Variants in LAMTOR1 observed in about 807,000 individuals in gnomAD.
LAMTOR1 encodes late endosomal/lysosomal adaptor, MAPK and MTOR activator 1, also known as ragulator complex protein LAMTOR1.
LAMTOR1 carries 8 observed loss-of-function variants against 20.5 expected under a neutral mutation model. The ratio of observed to expected loss-of-function variants is 0.39; its 90% CI spans 0.23 to 0.70. The LOEUF is 0.70. LAMTOR1 is among the 30% of genes least tolerant of loss of function. LAMTOR1 has a pLI of 0.43. For missense variants in LAMTOR1, 135 were observed against 206.2 expected, an observed-to-expected ratio of 0.65 and a Z score of 2.11; for synonymous variants, 77 against 80.9, an observed-to-expected ratio of 0.95 and a Z score of 0.26.
intron 1 of LAMTOR1, 117 bp downstream of exon 1, chr11:72,103,066 G>GGGA: frequency 7.6e-7 from 1 of 1,323,840 alleles, no homozygotes; most frequent in Non-Finnish European, 1.1e-6. Context: ...TCCCCTCCAG[G>GGGA]CCTCCGTATT....
intron 1 of LAMTOR1, among the ~76,000 whole-genome samples, chr11:72,101,279 G>A (rs1225624199): frequency 1.3e-5 from 2 of 152,176 alleles, no homozygotes; most frequent in African/African-American, 4.8e-5. Context: ...GGTTAGGTTT[G>A]TCACATCAAG....
intron 2 of LAMTOR1, 53 bp from the exon 3 acceptor site, chr11:72,098,911 A>G: frequency 6.8e-7 from 1 of 1,463,810 alleles, no homozygotes; most frequent in Non-Finnish European, 9.2e-7. Flanking sequence ...AGAAGGACAA[A>G]CAGGACTCAG....
chr11:72,099,334 C>T lies in LAMTOR1; in HGVS notation c.43-78G>A, dbSNP rs116224861. Reference sequence around the variant, plus strand: ...TTCACGGGTGCTACCCTTAGCCCAGCTCTGACCTTAAACACCAAAAATGTT... The same window carrying T: ...TTCACGGGTGCTACCCTTAGCCCAGTTCTGACCTTAAACACCAAAAATGTT... On this transcript the variant is annotated intron_variant, in intron 1 of 4. Coordinates refer to ENST00000278671, the MANE Select transcript of LAMTOR1 (RefSeq NM_017907.3). The T allele has an allele frequency of 1.0e-3, 1,522 of 1,462,932 alleles. 19 individuals are homozygous for T. The African/African-American group carries it at 0.019, about 19-fold the overall frequency. The allele number at this position is 1,462,932 out of a possible 1,614,324, so 90.6% of individuals were successfully genotyped here. A position where few individuals can be genotyped will look rare whatever the true frequency, so the allele number is the denominator to read the frequency against.
In LAMTOR1 at chr11:72,098,803, T is replaced by C. The variant is rs1318727092; in HGVS notation, c.244A>G (p.Met82Val). Residue 82 changes from methionine (M) to valine (V), a missense_variant, in exon 3 of 5, where the codon ATG becomes GTG. By Grantham distance (21) the Met-to-Val change is conservative (BLOSUM62 1). Coordinates refer to ENST00000278671, the MANE Select transcript of LAMTOR1 (RefSeq NM_017907.3). The part of the protein sequence containing the change: ...DSQGMEQHEY[M>V]DRARQYSTRL... ...CACCTGTACTGCCTGGCACGGTCCATGTACTCATGCTGCTCCATGCCCTGT... is the reference window on the plus strand; with the variant it reads ...CACCTGTACTGCCTGGCACGGTCCACGTACTCATGCTGCTCCATGCCCTGT... The C allele has an allele frequency of 4.5e-6, 7 of 1,550,626 alleles. No homozygotes were observed. Among genetic ancestry groups the C allele is most frequent in the East Asian group, 2.4e-5 (1 of 40,924 alleles).
At chr11:72,101,314 CA>C (rs1945430238) in intron 1 of LAMTOR1, among the ~76,000 whole-genome samples, 1 of 152,218 alleles carries the variant, frequency 6.6e-6, no homozygotes, top group Non-Finnish European at 1.5e-5. Context: ...TAGTGTAACC[CA>C]AGAGGCAGGG....
Position 72,097,772 on chromosome 11 carries a change from G to A in LAMTOR1, c.*50C>T. 6.2e-7 allele frequency: 1 copy of A among 1,613,738 alleles called. No homozygotes were observed. The highest frequency in any genetic ancestry group is 8.5e-7 in the Non-Finnish European group (1 of 1,179,924). ...GTGAGGCTGGGGGCCAAGGGGGTGG[G>A]GTAGAGATGGGATGAAGAGAGGAGA... On this transcript the variant is annotated 3_prime_UTR_variant, in exon 5 of 5. Coordinates refer to ENST00000278671, the MANE Select transcript of LAMTOR1 (RefSeq NM_017907.3).
rs537862119 is a variant in LAMTOR1 at position 72,098,443 on chromosome 11, G to A, written c.267-28C>T. Reference sequence around the variant, plus strand: ...GACCAAGAGAGAGGGGGTGGGGGTAGGCAGTTAAGCCACAGTCTGCCCTGC... The same window carrying A: ...GACCAAGAGAGAGGGGGTGGGGGTAAGCAGTTAAGCCACAGTCTGCCCTGC... On this transcript the variant is annotated intron_variant, in intron 3 of 4. Transcript: ENST00000278671. 5.6e-6 allele frequency: 9 copies of A among 1,600,046 alleles called. No homozygotes were observed. In the South Asian group the frequency reaches 6.9e-5, roughly 12 times the overall value.
At chr11:72,103,159 G>A (rs563701102) in intron 1 of LAMTOR1, 24 bp downstream of exon 1, 27 of 1,579,154 alleles carry the variant, frequency 1.7e-5, no homozygotes, top group Admixed American at 1.6e-4. Context: ...CCTCATTCCC[G>A]AGCCCCGCCT....
chr11:72,098,589 C>T (rs595062), intron 3 of LAMTOR1, 174 bp from the exon 4 acceptor site: 39,745 of 889,334 alleles, frequency 0.045, 1,927 homozygotes, highest in East Asian at 0.16. Context: ...TTGGCCTCAG[C>T]GCCCTCAAGA....
At chr11:72,098,662 A>G in intron 3 of LAMTOR1, 119 bp downstream of exon 3, 1 of 813,456 alleles carries the variant, frequency 1.2e-6, no homozygotes, top group Middle Eastern at 3.7e-4. Context: ...ATCTGTGGTC[A>G]GTCTCCAGGG....
intron 2 of LAMTOR1, 63 bp downstream of exon 2, chr11:72,099,045 CCTT>C (rs1945341657): frequency 1.7e-5 from 27 of 1,587,344 alleles, no homozygotes; most frequent in Admixed American, 5.1e-5. Flanking sequence ...GAGCCTGGCT[CCTT>C]CTATCCTAGC....
intron 1 of LAMTOR1, among the ~76,000 whole-genome samples, 191 bp downstream of exon 1, chr11:72,102,992 C>T (rs1268678455): frequency 6.6e-6 from 1 of 152,366 alleles, no homozygotes; most frequent in Non-Finnish European, 1.5e-5. Flanking sequence ...GAGGCGGGGA[C>T]TGTGTAGAAA....
intron 4 of LAMTOR1, 39 bp from the exon 5 acceptor site, chr11:72,097,953 C>T: frequency 6.5e-7 from 1 of 1,547,124 alleles, no homozygotes; most frequent in Non-Finnish European, 8.7e-7. Flanking sequence ...GGAACAGAGA[C>T]AGGTGAGGAG....
Sources: allele counts gnomAD v4.1 joint callset (sites outside exome capture counted in the v4.1 genomes callset), GRCh38; gene constraint gnomAD v4.1.1; transcripts MANE v1.5; gene names NCBI Gene and HGNC (gene_info 2026-07-23, HGNC 2026-07-21).